The following ATRNL1 variants were observed in gnomAD, a reference collection of about 807,000 sequenced individuals.
The protein encoded by ATRNL1 is attractin-like protein 1.
In ATRNL1, 95 loss-of-function variants were observed where a neutral mutation model predicts 182.7. The ratio of observed to expected loss-of-function variants is 0.52; its 90% CI spans 0.44 to 0.62. The LOEUF (loss-of-function observed/expected upper bound fraction) is 0.62. ATRNL1 is among the 20% of genes least tolerant of loss of function. The probability of loss-of-function intolerance (pLI) is 0.00; values close to 1 mark genes in which losing one functional copy is unlikely to be tolerated. For synonymous variants in ATRNL1, 576 were observed against 568.3 expected (o/e 1.01, Z -0.19); for missense variants, 1,471 against 1,679.5 (o/e 0.88, Z 2.17).
At chr10:115,574,634 A>T (rs564095549) in intron 26 of ATRNL1, among the ~76,000 whole-genome samples, 1 of 152,266 alleles carries the variant, frequency 6.6e-6, no homozygotes, top group South Asian at 2.1e-4. Flanking sequence ...ATCACATTTA[A>T]ATCCTATGTT....
At chr10:115,860,811 C>T (rs1373551881) in intron 28 of ATRNL1, among the ~76,000 whole-genome samples, 2 of 152,168 alleles carry the variant, frequency 1.3e-5, no homozygotes, top group Non-Finnish European at 2.9e-5. Flanking sequence ...TCTCTTTCTT[C>T]TTGTTCTCAT....
At chr10:115,360,913 A>G (rs1253733697) in intron 19 of ATRNL1, among the ~76,000 whole-genome samples, 1 of 151,866 alleles carries the variant, frequency 6.6e-6, no homozygotes, top group African/African-American at 2.4e-5. Flanking sequence ...TGTTCTGATT[A>G]TGCACTTTTG....
At chr10:115,694,171 C>T (rs989120502) in intron 26 of ATRNL1, among the ~76,000 whole-genome samples, 14 of 50,582 alleles carry the variant, frequency 2.8e-4, no homozygotes, top group East Asian at 8.3e-4. Flanking sequence ...TCTACACAGA[C>T]GCACACACAC....
At chr10:115,606,589 T>C (rs535780369) in intron 26 of ATRNL1, among the ~76,000 whole-genome samples, 2 of 152,188 alleles carry the variant, frequency 1.3e-5, no homozygotes, top group Admixed American at 1.3e-4. Flanking sequence ...TCTTCTGTGC[T>C]TGCAATTATT....
chr10:115,096,540 AG>A (rs2085014988), intron 1 of ATRNL1: 1 of 599,648 alleles, frequency 1.7e-6, no homozygotes, highest in Non-Finnish European at 2.7e-6. Flanking sequence ...ACTGAAGGAT[AG>A]CAACCTTACA....
intron 14 of ATRNL1, among the ~76,000 whole-genome samples, chr10:115,282,882 A>G (rs572061465): frequency 4.6e-5 from 7 of 151,762 alleles, no homozygotes; most frequent in Non-Finnish European, 1.0e-4. Flanking sequence ...GGTTTGTTAC[A>G]TAGGTATACA....
intron 26 of ATRNL1, among the ~76,000 whole-genome samples, chr10:115,649,270 G>A (rs1183155465): frequency 6.6e-6 from 1 of 152,106 alleles, no homozygotes; most frequent in Non-Finnish European, 1.5e-5. Flanking sequence ...ACAGCAACAT[G>A]AAATAAATGA....
chr10:115,878,761 A>G (rs1025469380), intron 28 of ATRNL1, among the ~76,000 whole-genome samples: 1 of 152,082 alleles, frequency 6.6e-6, no homozygotes, highest in Non-Finnish European at 1.5e-5. Context: ...ACCATGTAAT[A>G]CTAGTGCCCC....
chr10:115,451,717 C>T (rs566847772), intron 21 of ATRNL1, among the ~76,000 whole-genome samples: 1 of 152,178 alleles, frequency 6.6e-6, no homozygotes, highest in African/African-American at 2.4e-5. Flanking sequence ...CCTCAAAGAG[C>T]CAAAAGCAGA....
At chr10:115,871,469 T>TTATATATA (rs1162576615) in intron 28 of ATRNL1, among the ~76,000 whole-genome samples, 39 of 140,314 alleles carry the variant, frequency 2.8e-4, no homozygotes, top group African/African-American at 9.2e-4. Context: ...GTCAGATTCT[T>TTATATATA]TGTGTGTGTG....
chr10:115,821,345 T>A (rs1555090257), intron 27 of ATRNL1, among the ~76,000 whole-genome samples: 1 of 152,188 alleles, frequency 6.6e-6, no homozygotes, highest in East Asian at 1.9e-4. Flanking sequence ...ATGCAGTTTC[T>A]TCATACTGTC....
At chr10:115,494,459 A>G (rs566135570) in intron 24 of ATRNL1, among the ~76,000 whole-genome samples, 40 of 152,270 alleles carry the variant, frequency 2.6e-4, no homozygotes, top group African/African-American at 8.9e-4. Context: ...CCCATTCAGC[A>G]TGACGTTGGC....
At chr10:115,736,968 G>T (rs927352671) in intron 27 of ATRNL1, among the ~76,000 whole-genome samples, 2 of 151,862 alleles carry the variant, frequency 1.3e-5, no homozygotes, top group African/African-American at 4.8e-5. Flanking sequence ...TTCTTACCGT[G>T]TGAGTTGCTC....
chr10:115,573,922 T>A (rs1854552737), intron 26 of ATRNL1, among the ~76,000 whole-genome samples: 1 of 152,122 alleles, frequency 6.6e-6, no homozygotes, highest in African/African-American at 2.4e-5. Flanking sequence ...GGTATGTAAT[T>A]AAGAAAAGAG....
intron 22 of ATRNL1, among the ~76,000 whole-genome samples, chr10:115,466,777 T>C (rs1769848541): frequency 6.6e-6 from 1 of 151,224 alleles, no homozygotes; most frequent in Admixed American, 6.6e-5. Flanking sequence ...AAAATAATCT[T>C]ATATTGTTAT....
At chr10:115,857,813 A>G (rs1555102472) in intron 28 of ATRNL1, among the ~76,000 whole-genome samples, 1 of 152,230 alleles carries the variant, frequency 6.6e-6, no homozygotes, top group African/African-American at 2.4e-5. Context: ...ACAAACTCAC[A>G]TGACAAATCA....
intron 27 of ATRNL1, among the ~76,000 whole-genome samples, chr10:115,805,140 A>G (rs1258575622): frequency 6.6e-6 from 1 of 152,184 alleles, no homozygotes; most frequent in African/African-American, 2.4e-5. Context: ...TAGAAGAAGC[A>G]GCCCCTTGGT....
Position 115,286,225 on chromosome 10 carries a change from G to T in ATRNL1, c.2243G>T (p.Cys748Phe). The change falls in exon 15 of 29, where the codon TGT becomes TTT. Residue 748 changes from cysteine to phenylalanine, a missense_variant. Transcript: ENST00000355044. The part of the protein sequence containing the change: ...QECQALPAHL[C>F]GEGWSHIGDA... ...TTTTTTTTCTTACTAGCTCATCTTTGTGGAGAAGGATGGAGTCATATTGGG... is the reference window on the plus strand; with the variant it reads ...TTTTTTTTCTTACTAGCTCATCTTTTTGGAGAAGGATGGAGTCATATTGGG... The T allele has an allele frequency of 6.4e-7, 1 of 1,552,712 alleles. No individual in the cohort carries two copies. Among genetic ancestry groups the T allele is most frequent in the Non-Finnish European group, 8.8e-7 (1 of 1,134,796 alleles).
At chr10:115,916,055 A>T (rs1952839401) in intron 28 of ATRNL1, among the ~76,000 whole-genome samples, 1 of 152,258 alleles carries the variant, frequency 6.6e-6, no homozygotes, top group Non-Finnish European at 1.5e-5. Context: ...GCAAAGCATC[A>T]TTTAAAGTAT....
Sources: gnomAD v4.1 joint callset for allele counts (sites outside exome capture counted in the v4.1 genomes callset) on GRCh38, gnomAD v4.1.1 for gene constraint, MANE v1.5 for transcripts, NCBI Gene and HGNC (gene_info 2026-07-23, HGNC 2026-07-21) for gene names.